Variants in SEPTIN2 observed in about 807,000 individuals in gnomAD.
SEPTIN2 encodes septin-2.
A neutral mutation model predicts 46.5 loss-of-function variants in SEPTIN2; 34 were observed. That is an observed-to-expected ratio of 0.73 (90% CI 0.56 to 0.97). The LOEUF (loss-of-function observed/expected upper bound fraction) is 0.97. Ranked by LOEUF, SEPTIN2 falls within the 50% of genes least tolerant of loss-of-function variation. The pLI, the probability that SEPTIN2 is intolerant of heterozygous loss-of-function variation, is 0.00. For missense variants in SEPTIN2, 347 were observed against 448.4 expected (o/e 0.77, Z 2.04); for synonymous variants, 175 against 153.4 (o/e 1.14, Z -1.04).
intron 3 of SEPTIN2, among the ~76,000 whole-genome samples, chr2:241,326,882 T>A (rs1455142057): frequency 1.3e-5 from 2 of 151,980 alleles, no homozygotes; most frequent in African/African-American, 4.8e-5. Flanking sequence ...AAGATCAGGC[T>A]GGGCAACATG....
intron 7 of SEPTIN2, among the ~76,000 whole-genome samples, chr2:241,338,522 G>A (rs1292676729): frequency 6.8e-6 from 1 of 147,984 alleles, no homozygotes; most frequent in African/African-American, 2.5e-5. Context: ...GGTTCAGGCA[G>A]GAGGATCACT....
intron 7 of SEPTIN2, among the ~76,000 whole-genome samples, chr2:241,338,589 AAATAT>A (rs1310326776): frequency 7.4e-6 from 1 of 134,344 alleles, no homozygotes; most frequent in Admixed American, 9.8e-5. Context: ...GTCTCTAAAA[AAATAT>A]ATATATATAT....
chr2:241,335,518 G>T lies in SEPTIN2; in HGVS notation c.217+306G>T, dbSNP rs2079802390. ...AGTGAGAATGTTTTACATCAAAAAT[G>T]CTGTGTAACTAGAAGATTACTAGGA... On this transcript the variant is annotated intron_variant, in intron 4 of 12. Transcript: ENST00000391971. The T allele has an allele frequency of 5.8e-6, 4 of 692,610 alleles. No individual in the cohort carries two copies. In the Admixed American group the frequency reaches 7.8e-5, roughly 13 times the overall value. 42.9% of individuals were successfully genotyped at this position (692,610 alleles called of 1,614,324 possible).
chr2:241,353,710 T>A lies in SEPTIN2; in HGVS notation c.*1773T>A, dbSNP rs1357376431. 1 of 153,036 alleles carries A rather than the reference T, an allele frequency of 6.5e-6. No homozygotes were observed. The highest frequency in any genetic ancestry group is 1.5e-5 in the Non-Finnish European group (1 of 68,036). The allele number at this position is 153,036 out of a possible 1,614,324, so 9.5% of individuals were successfully genotyped here. ...ATTTGAGTTTGACATTTAATAACTT[T>A]GCTGGAAAATCTGTAAAAAAGAAAA... On this transcript the variant is annotated 3_prime_UTR_variant, in exon 13 of 13. Coordinates refer to ENST00000391971, the MANE Select transcript of SEPTIN2 (RefSeq NM_004404.5).
At chr2:241,334,696 G>T (rs1382384044) in intron 3 of SEPTIN2, among the ~76,000 whole-genome samples, 1 of 152,172 alleles carries the variant, frequency 6.6e-6, no homozygotes, top group Admixed American at 6.5e-5. Context: ...GAAGCACAAG[G>T]GTTGTTGACA....
At chr2:241,342,870 TC>T in intron 7 of SEPTIN2, 121 bp from the exon 8 acceptor site, 2 of 631,558 alleles carry the variant, frequency 3.2e-6, no homozygotes, top group Non-Finnish European at 2.8e-6. Flanking sequence ...GTAACTTTCG[TC>T]ATCAGTTTGA....
At chr2:241,315,747 C>T (rs1171568117), upstream of SEPTIN2, 1 of 152,430 alleles carries the variant, frequency 6.6e-6, no homozygotes, top group Non-Finnish European at 1.5e-5. Context: ...CAGAGGCGGA[C>T]AACGCGGACG....
intron 1 of SEPTIN2, among the ~76,000 whole-genome samples, chr2:241,320,887 C>A (rs2077019228): frequency 1.3e-5 from 2 of 152,050 alleles, no homozygotes; most frequent in African/African-American, 4.8e-5. Context: ...TGTTTTATCT[C>A]CTAAGTTTTG....
At chr2:241,334,042 T>C (rs2079488337) in intron 3 of SEPTIN2, among the ~76,000 whole-genome samples, 1 of 152,012 alleles carries the variant, frequency 6.6e-6, no homozygotes, top group Non-Finnish European at 1.5e-5. Context: ...TTTTACTTTG[T>C]TTTGGTTTTT....
intron 3 of SEPTIN2, among the ~76,000 whole-genome samples, chr2:241,332,862 CACAAA>C (rs1221148089): frequency 6.6e-5 from 10 of 152,318 alleles, no homozygotes; most frequent in African/African-American, 1.9e-4. Context: ...AGCAGCCAGA[CACAAA>C]ACAGGCCATG....
intron 7 of SEPTIN2, among the ~76,000 whole-genome samples, chr2:241,338,771 T>TATATTATATTTATATTATTTATATATA (rs2080609174): frequency 4.6e-5 from 2 of 43,942 alleles, no homozygotes; most frequent in Non-Finnish European, 9.1e-5. Context: ...ATTGTTTATA[T>TATATTATATTTATATTATTTATATATA]ATATTATATT....
intron 7 of SEPTIN2, among the ~76,000 whole-genome samples, chr2:241,338,665 CTA>C (rs1246061613): frequency 6.2e-5 from 7 of 112,156 alleles, no homozygotes; most frequent in African/African-American, 1.0e-4. Context: ...TATATTATAT[CTA>C]TATTATTTAT....
chr2:241,324,490 C>T (rs767732843), intron 2 of SEPTIN2: 3 of 477,656 alleles, frequency 6.3e-6, no homozygotes, highest in South Asian at 3.8e-5. Flanking sequence ...CACGTTCAAG[C>T]GATTCCCCTG....
chr2:241,333,048 G>T (rs2079272075), intron 3 of SEPTIN2, among the ~76,000 whole-genome samples: 2 of 152,184 alleles, frequency 1.3e-5, no homozygotes, highest in Non-Finnish European at 1.5e-5. Context: ...GATTATCTGA[G>T]TATCTACTTT....
chr2:241,350,801 C>G (rs2060719512), intron 12 of SEPTIN2, among the ~76,000 whole-genome samples: 1 of 152,062 alleles, frequency 6.6e-6, no homozygotes, highest in African/African-American at 2.4e-5. Flanking sequence ...TCCAGAGACT[C>G]AGGACCAGGA....
intron 10 of SEPTIN2, among the ~76,000 whole-genome samples, chr2:241,347,612 A>G (rs74654287): frequency 1.3e-5 from 2 of 152,380 alleles, no homozygotes; most frequent in East Asian, 3.9e-4. Context: ...AGTGGGTAAC[A>G]GCAAGTGTTG....
At chr2:241,317,638 A>G (rs1458663843) in intron 1 of SEPTIN2, 3 of 826,854 alleles carry the variant, frequency 3.6e-6, no homozygotes, top group African/African-American at 1.9e-5. Flanking sequence ...TAGTAGTCAT[A>G]CATGCCACTT....
intron 3 of SEPTIN2, among the ~76,000 whole-genome samples, chr2:241,327,519 A>G (rs2078194846): frequency 6.6e-6 from 1 of 151,850 alleles, no homozygotes; most frequent in South Asian, 2.1e-4. Flanking sequence ...AAAAAAAAAA[A>G]ACATGAAAAA....
At position 241,350,588 on chromosome 2, in the gene SEPTIN2, CGT is replaced by C. The variant is rs1359550735; in HGVS notation, c.*29+388_*29+389del. 3.9e-5 allele frequency among the ~76,000 whole-genome samples: 6 copies of C among 152,244 alleles called. No homozygotes were observed. In the East Asian group the frequency reaches 1.2e-3, roughly 29 times the overall value. ...AACATCTCTTTAAAGGGAATAAAAA[CGT>C]GTTATTAAAACAGCTTGTACAGATT... is the stretch of plus-strand genomic sequence containing the variant. On this transcript the variant is annotated intron_variant, in intron 12 of 12. Transcript: ENST00000391971.
Sources: gnomAD v4.1 joint callset for allele counts (sites outside exome capture counted in the v4.1 genomes callset) on GRCh38, gnomAD v4.1.1 for gene constraint, MANE v1.5 for transcripts, NCBI Gene and HGNC (gene_info 2026-07-23, HGNC 2026-07-21) for gene names.